MTCL3: variants seen among roughly 807,000 people sequenced by gnomAD.
The protein encoded by MTCL3 is MTCL family member 3.
At chr6:127,480,882 T>C in the MTCL3 span, among the ~76,000 whole-genome samples, 1 of 152,188 alleles carries the variant, frequency 6.6e-6, no homozygotes, top group Non-Finnish European at 1.5e-5. Context: ...TCTCCTGAGG[T>C]GGGTTTTTTA....
the MTCL3 span, among the ~76,000 whole-genome samples, chr6:127,502,388 G>A: frequency 7.2e-5 from 11 of 152,186 alleles, no homozygotes; most frequent in Admixed American, 5.9e-4. Context: ...GCAGTGGCAG[G>A]TAATGCAGCC....
chr6:127,475,636 G>A, the MTCL3 span: 3 of 1,597,758 alleles, frequency 1.9e-6, no homozygotes, highest in Non-Finnish European at 2.5e-6. The surrounding 1 kb of genome is among the most constrained non-coding windows in gnomAD (Gnocchi z 7.3). Context: ...CGGGTAGAAG[G>A]AGCGAGTGGG....
the MTCL3 span, among the ~76,000 whole-genome samples, chr6:127,496,000 C>T: frequency 6.6e-6 from 1 of 151,986 alleles, no homozygotes; most frequent in Non-Finnish European, 1.5e-5. Flanking sequence ...GAGGCTGAGG[C>T]GGGTGGACTG....
At chr6:127,515,804 C>T in the MTCL3 span, 2 of 1,609,364 alleles carry the variant, frequency 1.2e-6, no homozygotes, top group Non-Finnish European at 1.7e-6. This position sits in a 1 kb window ranked among gnomAD's most constrained non-coding sequence, Gnocchi z 4.3. Flanking sequence ...GCCGCCGCCG[C>T]TGCCGCCCGC....
the MTCL3 span, among the ~76,000 whole-genome samples, chr6:127,492,884 G>A: frequency 6.6e-6 from 1 of 152,134 alleles, no homozygotes; most frequent in Non-Finnish European, 1.5e-5. Context: ...CACTTTTCCA[G>A]TTCTAAATTG....
chr6:127,509,696 C>G, the MTCL3 span, among the ~76,000 whole-genome samples: 1 of 152,150 alleles, frequency 6.6e-6, no homozygotes, highest in Non-Finnish European at 1.5e-5. Flanking sequence ...TTAACACTCA[C>G]CAAGGGCTTG....
At chr6:127,488,745 A>G in the MTCL3 span, among the ~76,000 whole-genome samples, 4 of 152,258 alleles carry the variant, frequency 2.6e-5, no homozygotes, top group Non-Finnish European at 5.9e-5. Context: ...TATGAGCTGA[A>G]AAGTATTTAA....
At chr6:127,475,683 G>A in the MTCL3 span, 1 of 1,583,548 alleles carries the variant, frequency 6.3e-7, no homozygotes. The surrounding 1 kb of genome is among the most constrained non-coding windows in gnomAD (Gnocchi z 7.3). Flanking sequence ...CCTCCGAGTC[G>A]CTCTCGCCGC....
At chr6:127,482,878 C>G in the MTCL3 span, 1 of 1,493,676 alleles carries the variant, frequency 6.7e-7, no homozygotes, top group Non-Finnish European at 9.2e-7. This position sits in a 1 kb window ranked among gnomAD's most constrained non-coding sequence, Gnocchi z 4.1. Context: ...CTTAGAGGTA[C>G]TTGGTGTACT....
At chr6:127,485,660 A>G in the MTCL3 span, among the ~76,000 whole-genome samples, 6 of 152,134 alleles carry the variant, frequency 3.9e-5, no homozygotes, top group African/African-American at 1.4e-4. Context: ...TTTCATAGGT[A>G]TTTAGTTTCT....
chr6:127,500,200 T>C, the MTCL3 span, among the ~76,000 whole-genome samples: 1 of 152,158 alleles, frequency 6.6e-6, no homozygotes, highest in East Asian at 1.9e-4. Flanking sequence ...CATAAATACG[T>C]AGAGAGAAAA....
chr6:127,483,089 A>G, the MTCL3 span: 1 of 878,730 alleles, frequency 1.1e-6, no homozygotes, highest in Non-Finnish European at 1.7e-6. Context: ...GACAAATAAA[A>G]AGAGTTAGTT....
chr6:127,491,554 C>T, the MTCL3 span, among the ~76,000 whole-genome samples: 1 of 152,128 alleles, frequency 6.6e-6, no homozygotes, highest in Non-Finnish European at 1.5e-5. Context: ...ATAGTATAAA[C>T]ATAACTTTTA....
At chr6:127,518,452 G>T in the MTCL3 span, 4 of 152,146 alleles carry the variant, frequency 2.6e-5, no homozygotes, top group African/African-American at 9.7e-5. Flanking sequence ...AGGCTTTCCC[G>T]GTGAAAATTA....
At chr6:127,482,860 T>G in the MTCL3 span, 3 of 1,325,904 alleles carry the variant, frequency 2.3e-6, no homozygotes, top group Non-Finnish European at 3.1e-6. The surrounding 1 kb of genome is among the most constrained non-coding windows in gnomAD (Gnocchi z 4.1). Flanking sequence ...AGTTTGTGAT[T>G]ATATACACTT....
chr6:127,516,723 GAGA>G, the MTCL3 span: 1 of 1,479,150 alleles, frequency 6.8e-7, no homozygotes. Context: ...AACAAAAGGA[GAGA>G]AGAAGACAAC....
chr6:127,505,297 G>A, the MTCL3 span, among the ~76,000 whole-genome samples: 2 of 152,194 alleles, frequency 1.3e-5, no homozygotes, highest in African/African-American at 4.8e-5. Context: ...ACTGGATAAA[G>A]AAGAATGTGG....
chr6:127,482,932 G>C, the MTCL3 span: 5 of 1,607,834 alleles, frequency 3.1e-6, no homozygotes, highest in East Asian at 1.1e-4. The surrounding 1 kb of genome is among the most constrained non-coding windows in gnomAD (Gnocchi z 4.1). Context: ...AGTCTGTTGA[G>C]CCTTTTTTTC....
At chr6:127,477,532 A>C in the MTCL3 span, among the ~76,000 whole-genome samples, 2 of 152,102 alleles carry the variant, frequency 1.3e-5, no homozygotes, top group African/African-American at 4.8e-5. Flanking sequence ...CTTATCCAGT[A>C]CTCGGTCATC....
Sources: allele counts gnomAD v4.1 joint callset (sites outside exome capture counted in the v4.1 genomes callset), GRCh38; gene constraint gnomAD v4.1.1; non-coding constraint Gnocchi (gnomAD v3.1); transcripts MANE v1.5; gene names NCBI Gene and HGNC (gene_info 2026-07-23, HGNC 2026-07-21).